JAK2: variants seen among roughly 807,000 people sequenced by gnomAD.
The protein encoded by JAK2 is Janus kinase 2.
JAK2 carries 86 observed loss-of-function variants against 139.3 expected under a neutral mutation model. The ratio of observed to expected loss-of-function variants is 0.62; its 90% CI spans 0.52 to 0.74. JAK2 has a LOEUF of 0.74. Among genes scored for constraint, JAK2 ranks in the 30% least tolerant of loss-of-function variants. The pLI, the probability that JAK2 is intolerant of heterozygous loss-of-function variation, is 0.00. For synonymous variants in JAK2, 490 were observed against 437.7 expected (o/e 1.12, Z -1.49); for missense variants, 1,421 against 1,360.3 (o/e 1.04, Z -0.70).
At chr9:5,077,357 C>A in intron 14 of JAK2, 96 bp from the exon 15 acceptor site, 1 of 408,408 alleles carries the variant, frequency 2.4e-6, no homozygotes, top group Non-Finnish European at 4.0e-6. Flanking sequence ...ATTTCTTTAC[C>A]TATAATGGTC....
intron 19 of JAK2, chr9:5,085,078 A>G: frequency 1.5e-6 from 1 of 678,168 alleles, no homozygotes; most frequent in Admixed American, 1.8e-5. Context: ...GCTCTCTCTT[A>G]TTGCTTCATG....
chr9:5,071,934 C>T (rs151046213), intron 12 of JAK2, among the ~76,000 whole-genome samples: 146 of 152,290 alleles, frequency 9.6e-4, no homozygotes, highest in African/African-American at 3.2e-3. Context: ...ATACTTAATG[C>T]ACATTTACTA....
intron 23 of JAK2, chr9:5,125,841 A>T (rs917342559): frequency 7.0e-6 from 1 of 142,778 alleles, no homozygotes; most frequent in African/African-American, 2.7e-5. Flanking sequence ...TTTTTTCCCA[A>T]TTTATAAGAG....
Position 5,077,595 on chromosome 9 carries a change from C to G in JAK2, c.1992+15C>G. ...TGCATTTTCTAGTAAGTAGTACAAC[C>G]TTTTTATCAAAAGATACTATTTTAT... On this transcript the variant is annotated intron_variant, in intron 15 of 24. Coordinates refer to ENST00000381652, the MANE Select transcript of JAK2 (RefSeq NM_004972.4). 2 of 1,445,574 alleles carry G rather than the reference C, an allele frequency of 1.4e-6. No individual in the cohort carries two copies. Among genetic ancestry groups the G allele is most frequent in the East Asian group, 2.7e-5 (1 of 37,686 alleles). The allele number at this position is 1,445,574 out of a possible 1,614,324, so 89.5% of individuals were successfully genotyped here. A position where few individuals can be genotyped will look rare whatever the true frequency, so the allele number is the denominator to read the frequency against.
intron 2 of JAK2, among the ~76,000 whole-genome samples, chr9:4,989,570 G>T (rs943833307): frequency 1.3e-5 from 2 of 152,148 alleles, no homozygotes; most frequent in Non-Finnish European, 2.9e-5. Context: ...CAATGTAAAA[G>T]GTACTTGGCT....
intron 4 of JAK2, among the ~76,000 whole-genome samples, chr9:5,030,108 G>C (rs1333690373): frequency 6.6e-6 from 1 of 152,122 alleles, no homozygotes; most frequent in African/African-American, 2.4e-5. Flanking sequence ...AATACTCTGA[G>C]AATAAAGCTG....
chr9:4,994,843 T>G (rs1463983254), intron 2 of JAK2, among the ~76,000 whole-genome samples: 1 of 152,226 alleles, frequency 6.6e-6, no homozygotes, highest in Admixed American at 6.5e-5. Flanking sequence ...TCTGTATTTG[T>G]CTCTTTTTAT....
rs1465663031 is a variant in JAK2, at chr9:5,127,648, T to G, written c.*857T>G. 1 of 232,058 alleles carries G rather than the reference T, an allele frequency of 4.3e-6. No homozygotes were observed. The highest frequency in any genetic ancestry group is 8.6e-6 in the Non-Finnish European group (1 of 116,916). 14.4% of individuals were successfully genotyped at this position (232,058 alleles called of 1,614,324 possible). A position where few individuals can be genotyped will look rare whatever the true frequency, so the allele number is the denominator to read the frequency against. Reference sequence around the variant, plus strand: ...TTGAGATTAAGAATGCCAGGAATATTGTCATCCTTTGAGCTGCTGACTGCC... The same window carrying G: ...TTGAGATTAAGAATGCCAGGAATATGGTCATCCTTTGAGCTGCTGACTGCC... On this transcript the variant is annotated 3_prime_UTR_variant, in exon 25 of 25. Coordinates refer to ENST00000381652, the MANE Select transcript of JAK2 (RefSeq NM_004972.4).
intron 13 of JAK2, 131 bp from the exon 14 acceptor site, chr9:5,073,567 A>G: frequency 1.4e-6 from 1 of 705,366 alleles, no homozygotes; most frequent in South Asian, 1.7e-5. Flanking sequence ...GGACCAAAGC[A>G]CATTGTATCC....
intron 4 of JAK2, among the ~76,000 whole-genome samples, chr9:5,035,911 T>C (rs888035353): frequency 3.3e-5 from 5 of 152,204 alleles, no homozygotes; most frequent in Admixed American, 6.5e-5. Context: ...AAATAAAGGT[T>C]ATTTGATTAG....
intron 22 of JAK2, chr9:5,112,517 C>T (rs931343271): frequency 1.7e-6 from 1 of 581,526 alleles, no homozygotes; most frequent in South Asian, 2.3e-5. Flanking sequence ...CTTTTCCCCC[C>T]AGAGCAGAAG....
chr9:5,097,383 T>C lies in JAK2; in HGVS notation c.3059+6472T>C, dbSNP rs147675353. Reference sequence around the variant, plus strand: ...TCTGATTCTTTGGTCACCCTGAAGTTTATATCCTTATTCTATCAGGCTTTG... The same window carrying C: ...TCTGATTCTTTGGTCACCCTGAAGTCTATATCCTTATTCTATCAGGCTTTG... On this transcript the variant is annotated intron_variant, in intron 22 of 24. Coordinates refer to ENST00000381652, the MANE Select transcript of JAK2 (RefSeq NM_004972.4). 253 of 152,326 alleles carry C rather than the reference T, an allele frequency of 1.7e-3. 1 individual carries two copies. The highest frequency in any genetic ancestry group is 5.4e-3 in the African/African-American group (226 of 41,574). The allele number at this position is 152,326 out of a possible 1,614,324, so 9.4% of individuals were successfully genotyped here.
At chr9:5,029,731 A>G in intron 3 of JAK2, 52 bp from the exon 4 acceptor site, 2 of 1,482,348 alleles carry the variant, frequency 1.3e-6, no homozygotes. Flanking sequence ...GTGCTATGTA[A>G]AAATATTCTG....
At chr9:5,032,335 A>G (rs1452888144) in intron 4 of JAK2, among the ~76,000 whole-genome samples, 2 of 152,248 alleles carry the variant, frequency 1.3e-5, no homozygotes, top group African/African-American at 4.8e-5. Context: ...GGGCATAGCC[A>G]AACAAAAGGC....
Position 5,055,711 on chromosome 9 carries a change from A to G in JAK2, c.979A>G (p.Ser327Gly). ...YCDFPNIIDV[S>G]IKQANQEGSN... The stretch of plus-strand genomic sequence containing the variant: ...CGATTTTCCTAATATTATTGATGTC[A>G]GTATTAAGCAAGCAAACCAAGAGGG... Residue 327 changes from serine (S) to glycine (G), a missense_variant, in exon 8 of 25, where the codon AGT (serine) becomes GGT (glycine). Ser to Gly is a moderately conservative substitution (Grantham distance 56). Coordinates refer to ENST00000381652, the MANE Select transcript of JAK2 (RefSeq NM_004972.4). 6.3e-7 allele frequency: 1 copy of G among 1,591,066 alleles called. No homozygotes were observed. The highest frequency in any genetic ancestry group is 8.6e-7 in the Non-Finnish European group (1 of 1,160,110).
chr9:5,100,121 C>T (rs1324710508), intron 22 of JAK2: 1 of 152,218 alleles, frequency 6.6e-6, no homozygotes, highest in Admixed American at 6.5e-5. Context: ...TTTCCCACAG[C>T]TTCAGTTGCT....
In JAK2 at chr9:5,128,316, GT is replaced by G. The variant is rs1824137743; in HGVS notation, c.*1527del. ...AAAGCATTTTTAAAGCATTTTAATA[GT>G]TCTGGATGCAGAAATCATCTAAAAT... On this transcript the variant is annotated 3_prime_UTR_variant, in exon 25 of 25. Transcript: ENST00000381652. 1 of 222,522 alleles carries G rather than the reference GT, an allele frequency of 4.5e-6. No homozygotes were observed. The highest frequency in any genetic ancestry group is 9.0e-6 in the Non-Finnish European group (1 of 111,194). 13.8% of individuals were successfully genotyped at this position (222,522 alleles called of 1,614,324 possible). A position where few individuals can be genotyped will look rare whatever the true frequency, so the allele number is the denominator to read the frequency against.
chr9:5,113,060 C>T (rs1270446985), intron 22 of JAK2, among the ~76,000 whole-genome samples: 1 of 152,054 alleles, frequency 6.6e-6, no homozygotes, highest in Non-Finnish European at 1.5e-5. Context: ...CCAGGAGCTC[C>T]CTGGGACCCC....
At chr9:5,057,112 G>A (rs1817819257) in intron 8 of JAK2, among the ~76,000 whole-genome samples, 1 of 152,010 alleles carries the variant, frequency 6.6e-6, no homozygotes, top group Non-Finnish European at 1.5e-5. Flanking sequence ...TTGTATACAA[G>A]TATTATTTTA....
Sources: gnomAD v4.1 joint callset for allele counts (sites outside exome capture counted in the v4.1 genomes callset) on GRCh38, gnomAD v4.1.1 for gene constraint, MANE v1.5 for transcripts, NCBI Gene and HGNC (gene_info 2026-07-23, HGNC 2026-07-21) for gene names.